CTNNA3: variants seen among roughly 807,000 people sequenced by gnomAD.
CTNNA3 encodes catenin alpha 3, also known as catenin alpha-3.
CTNNA3 carries 76 observed loss-of-function variants against 95.7 expected under a neutral mutation model. That is an observed-to-expected ratio of 0.79 (90% CI 0.66 to 0.96). The LOEUF (loss-of-function observed/expected upper bound fraction) is 0.96. CTNNA3 is among the 40% of genes least tolerant of loss of function. CTNNA3 has a pLI of 0.00. For synonymous variants in CTNNA3, 431 were observed against 374.4 expected, an observed-to-expected ratio of 1.15 and a Z score of -1.74; for missense variants, 1,191 against 1,089.8, an observed-to-expected ratio of 1.09 and a Z score of -1.31.
At chr10:67,017,490 A>T (rs1393525331) in intron 7 of CTNNA3, among the ~76,000 whole-genome samples, 1 of 152,172 alleles carries the variant, frequency 6.6e-6, no homozygotes, top group East Asian at 1.9e-4. Context: ...TGGCATCCAC[A>T]ATCTATCTTT....
chr10:66,282,877 G>A (rs956207660), intron 12 of CTNNA3, among the ~76,000 whole-genome samples: 22 of 151,694 alleles, frequency 1.5e-4, no homozygotes, highest in Non-Finnish European at 8.8e-5. Context: ...ATAAATGATC[G>A]AATGAATTAA....
rs149313215 is a variant in CTNNA3, at chr10:66,674,499, A to T, written c.1282-52715T>A. On this transcript the variant is annotated intron_variant, in intron 9 of 17. Coordinates refer to ENST00000433211, the MANE Select transcript of CTNNA3 (RefSeq NM_013266.4). ...TCAGTTTTCTCACCACATAGAGATA[A>T]TGTGCAATAATCTTCAGTAATATTA... Among the ~76,000 whole-genome samples, 468 of 152,114 alleles carry T rather than the reference A, an allele frequency of 3.1e-3. 8 individuals are homozygous for T. The highest frequency in any genetic ancestry group is 2.5e-3 in the East Asian group (13 of 5,180).
At chr10:66,082,444 A>C (rs1349820702) in intron 14 of CTNNA3, among the ~76,000 whole-genome samples, 4 of 152,192 alleles carry the variant, frequency 2.6e-5, no homozygotes, top group Non-Finnish European at 4.4e-5. Flanking sequence ...ATGAAACATA[A>C]GGGAAGATTC....
At chr10:66,650,924 A>G (rs531708645) in intron 9 of CTNNA3, among the ~76,000 whole-genome samples, 5 of 152,238 alleles carry the variant, frequency 3.3e-5, no homozygotes, top group South Asian at 2.1e-4. Context: ...GGAAACCCCA[A>G]CACGTTGCCA....
chr10:66,333,571 T>C (rs1322429307), intron 12 of CTNNA3, among the ~76,000 whole-genome samples: 1 of 152,162 alleles, frequency 6.6e-6, no homozygotes, highest in Non-Finnish European at 1.5e-5. Context: ...AGTTCGAGTT[T>C]GATTGCACTG....
intron 7 of CTNNA3, among the ~76,000 whole-genome samples, chr10:67,043,629 T>C (rs1854546951): frequency 6.6e-6 from 1 of 152,192 alleles, no homozygotes; most frequent in East Asian, 1.9e-4. Context: ...ACAATGATTT[T>C]TTTTTAAAGA....
chr10:66,633,057 A>C (rs1484707237), intron 9 of CTNNA3, among the ~76,000 whole-genome samples: 1 of 152,182 alleles, frequency 6.6e-6, no homozygotes, highest in Admixed American at 6.5e-5. Flanking sequence ...ACTGCTGAGA[A>C]TATGGGGATA....
In CTNNA3 at chr10:66,672,302, A is replaced by G. The variant is rs1027672376; in HGVS notation, c.1282-50518T>C. ...TATAGGCTCTGTGTGAAGAAGATAT[A>G]AAGAGCTGAATTTTAAAATTATAAG... On this transcript the variant is annotated intron_variant, in intron 9 of 17. Coordinates refer to ENST00000433211, the MANE Select transcript of CTNNA3 (RefSeq NM_013266.4). 2.6e-5 allele frequency among the ~76,000 whole-genome samples: 4 copies of G among 152,282 alleles called. No individual in the cohort carries two copies. In the East Asian group the frequency reaches 7.7e-4, roughly 29 times the overall value.
At chr10:67,138,740 T>C (rs1292353845) in intron 7 of CTNNA3, among the ~76,000 whole-genome samples, 1 of 152,084 alleles carries the variant, frequency 6.6e-6, no homozygotes, top group Non-Finnish European at 1.5e-5. Flanking sequence ...ACTTTCTGGG[T>C]TTTTTGAAAA....
intron 11 of CTNNA3, among the ~76,000 whole-genome samples, chr10:66,507,240 G>A (rs11594307): frequency 0.15 from 23,182 of 151,850 alleles, 1,848 homozygotes; most frequent in Non-Finnish European, 0.17. Context: ...CACATAATAA[G>A]TGAAACATAT....
chr10:67,711,909 G>A (rs1841112537), intron 1 of CTNNA3, among the ~76,000 whole-genome samples: 2 of 151,956 alleles, frequency 1.3e-5, no homozygotes, highest in Admixed American at 6.6e-5. Flanking sequence ...CAAAGGACAT[G>A]AACTCATCAT....
At chr10:66,608,548 G>A (rs1245635764) in intron 10 of CTNNA3, among the ~76,000 whole-genome samples, 1 of 151,936 alleles carries the variant, frequency 6.6e-6, no homozygotes, top group Non-Finnish European at 1.5e-5. Context: ...TTCAAACTAT[G>A]CTACAGCACT....
chr10:67,504,158 A>G (rs78038228), intron 5 of CTNNA3, among the ~76,000 whole-genome samples: 1 of 143,796 alleles, frequency 7.0e-6, no homozygotes, highest in African/African-American at 2.6e-5. Context: ...CTCCGTCTCA[A>G]AAAAAAAAAA....
At chr10:67,675,029 C>T (rs980590904) in intron 1 of CTNNA3, among the ~76,000 whole-genome samples, 2 of 151,952 alleles carry the variant, frequency 1.3e-5, no homozygotes, top group East Asian at 3.9e-4. Flanking sequence ...GATAAAGTAT[C>T]CCATTGTTGT....
rs902809533 is a variant in CTNNA3, at chr10:66,935,727, A to T, written c.1048-160203T>A. ...TCCTTATTATGTACCAGGAATTTGT[A>T]TATATTATCTAATGATTTGATAAAA... On this transcript the variant is annotated intron_variant, in intron 7 of 17. Transcript: ENST00000433211. 3.3e-5 allele frequency among the ~76,000 whole-genome samples: 5 copies of T among 152,100 alleles called. No individual in the cohort carries two copies. The East Asian group carries it at 9.6e-4, about 29-fold the overall frequency.
intron 10 of CTNNA3, among the ~76,000 whole-genome samples, chr10:66,582,750 T>C (rs952260210): frequency 6.6e-6 from 1 of 151,888 alleles, no homozygotes; most frequent in Non-Finnish European, 1.5e-5. Flanking sequence ...CTTTTTCTCA[T>C]TCAGTATGAT....
At chr10:66,896,450 AATG>A (rs1845496181) in intron 7 of CTNNA3, among the ~76,000 whole-genome samples, 1 of 152,204 alleles carries the variant, frequency 6.6e-6, no homozygotes. Context: ...TTACACTAAT[AATG>A]ATATTTTATT....
At chr10:66,665,638 G>T (rs1282147518) in intron 9 of CTNNA3, among the ~76,000 whole-genome samples, 1 of 152,164 alleles carries the variant, frequency 6.6e-6, no homozygotes, top group African/African-American at 2.4e-5. Flanking sequence ...TTCAATGCCA[G>T]CATAGGCCAG....
chr10:67,425,193 GGT>G (rs989890656), intron 5 of CTNNA3, among the ~76,000 whole-genome samples: 2 of 152,002 alleles, frequency 1.3e-5, no homozygotes, highest in Non-Finnish European at 2.9e-5. Context: ...CTCATTTTGT[GGT>G]GTCTTTCATT....
Sources: gnomAD v4.1 joint callset for allele counts (sites outside exome capture counted in the v4.1 genomes callset) on GRCh38, gnomAD v4.1.1 for gene constraint, MANE v1.5 for transcripts, NCBI Gene and HGNC (gene_info 2026-07-23, HGNC 2026-07-21) for gene names.